Variants in AGBL1 observed in about 807,000 individuals in gnomAD.
The protein encoded by AGBL1 is AGBL carboxypeptidase 1.
A neutral mutation model predicts 118.9 loss-of-function variants in AGBL1; 130 were observed. That is an observed-to-expected ratio of 1.09 (90% CI 0.95 to 1.26). The LOEUF (loss-of-function observed/expected upper bound fraction) is 1.26. Among genes scored for constraint, AGBL1 ranks in the 50% most tolerant of loss-of-function variants. The pLI, the probability that AGBL1 is intolerant of heterozygous loss-of-function variation, is 0.00. For missense variants in AGBL1, 1,584 were observed against 1,298.1 expected, an observed-to-expected ratio of 1.22 and a Z score of -3.38; for synonymous variants, 555 against 478.9, an observed-to-expected ratio of 1.16 and a Z score of -2.08.
intron 22 of AGBL1, among the ~76,000 whole-genome samples, chr15:86,818,770 T>C (rs2078900208): frequency 6.6e-6 from 1 of 152,164 alleles, no homozygotes; most frequent in African/African-American, 2.4e-5. Context: ...GCATAGTAAT[T>C]TTGGAACCAG....
chr15:86,933,475 A>G (rs1025111163), intron 23 of AGBL1, among the ~76,000 whole-genome samples: 13 of 152,130 alleles, frequency 8.5e-5, no homozygotes, highest in South Asian at 6.2e-4. Context: ...GACTTCCCCA[A>G]TTGCTCTCAT....
intron 1 of AGBL1, among the ~76,000 whole-genome samples, chr15:86,134,757 G>A (rs140314372): frequency 0.013 from 1,930 of 151,806 alleles, 25 homozygotes; most frequent in East Asian, 0.061. Flanking sequence ...AGGATTACAG[G>A]CACGTGCCAC....
intron 22 of AGBL1, among the ~76,000 whole-genome samples, chr15:86,759,249 G>A (rs1046745204): frequency 1.3e-5 from 2 of 152,088 alleles, no homozygotes; most frequent in African/African-American, 4.8e-5. Flanking sequence ...AACAGAGAAA[G>A]CATTTAGGGA....
At chr15:86,449,570 G>A (rs1249333018) in intron 18 of AGBL1, among the ~76,000 whole-genome samples, 2 of 152,226 alleles carry the variant, frequency 1.3e-5, no homozygotes, top group African/African-American at 2.4e-5. Flanking sequence ...CTGTAAAAAT[G>A]TGGAGGATTT....
chr15:86,796,892 C>T lies in AGBL1; in HGVS notation c.3159-110195C>T, dbSNP rs190779472. On this transcript the variant is annotated intron_variant, in intron 22 of 22. Coordinates refer to ENST00000614907, the MANE Select transcript of AGBL1 (RefSeq NM_001386094.1). ...AGGGCTTTCTAAGTCTTTCTCACTACAAAGTTTATTTCTCAGAATCAACCA... is the reference window on the plus strand; with the variant it reads ...AGGGCTTTCTAAGTCTTTCTCACTATAAAGTTTATTTCTCAGAATCAACCA... Among the ~76,000 whole-genome samples the T allele has an allele frequency of 4.6e-3, 693 of 152,274 alleles. 2 individuals are homozygous for T. The highest frequency in any genetic ancestry group is 7.7e-3 in the Non-Finnish European group (526 of 68,030).
At chr15:86,310,058 A>G (rs1486932571) in intron 17 of AGBL1, among the ~76,000 whole-genome samples, 1 of 152,118 alleles carries the variant, frequency 6.6e-6, no homozygotes, top group Non-Finnish European at 1.5e-5. Context: ...TCAGATCCTG[A>G]GCTTTTCTTT....
At chr15:86,680,046 C>T (rs939525457) in intron 22 of AGBL1, among the ~76,000 whole-genome samples, 1 of 152,060 alleles carries the variant, frequency 6.6e-6, no homozygotes, top group East Asian at 1.9e-4. Context: ...TACATCTGCA[C>T]CTTGAACATG....
chr15:86,787,810 T>A (rs2078436079), intron 22 of AGBL1, among the ~76,000 whole-genome samples: 1 of 152,214 alleles, frequency 6.6e-6, no homozygotes, highest in Non-Finnish European at 1.5e-5. Flanking sequence ...ACCGAGTTTG[T>A]GGTCACTTAG....
At chr15:86,589,729 TCCTCCTCCTTTCCTC>T (rs2084305827) in intron 21 of AGBL1, among the ~76,000 whole-genome samples, 1 of 152,130 alleles carries the variant, frequency 6.6e-6, no homozygotes, top group South Asian at 2.1e-4. Context: ...TTCCCTTCCT[TCCTCCTCCTTTCCTC>T]CCTCCCTCCC....
intron 22 of AGBL1, among the ~76,000 whole-genome samples, chr15:86,776,617 A>G (rs1445690352): frequency 6.8e-6 from 1 of 146,350 alleles, no homozygotes; most frequent in South Asian, 2.1e-4. Context: ...TTGTCTTTTC[A>G]TTTTTGTGGT....
At chr15:86,822,356 A>G (rs900302558) in intron 22 of AGBL1, among the ~76,000 whole-genome samples, 1 of 152,054 alleles carries the variant, frequency 6.6e-6, no homozygotes, top group African/African-American at 2.4e-5. Context: ...TTCTCTTCCA[A>G]ATAAATTAGT....
At chr15:86,452,524 C>T (rs1397459238) in intron 18 of AGBL1, among the ~76,000 whole-genome samples, 5 of 152,284 alleles carry the variant, frequency 3.3e-5, no homozygotes, top group Non-Finnish European at 5.9e-5. Flanking sequence ...ATCACCTGTC[C>T]TTAGCACATG....
At chr15:86,604,797 C>CT (rs56780270) in intron 21 of AGBL1, among the ~76,000 whole-genome samples, 1,817 of 131,952 alleles carry the variant, frequency 0.014, 28 homozygotes, top group African/African-American at 0.026. Context: ...TCTTTTCTTT[C>CT]TTTTTTTTTT....
At chr15:86,343,352 T>G (rs1204464486) in intron 17 of AGBL1, among the ~76,000 whole-genome samples, 2 of 152,114 alleles carry the variant, frequency 1.3e-5, no homozygotes, top group Non-Finnish European at 2.9e-5. Context: ...TGGGGTCCCC[T>G]GCATCCCATT....
intron 22 of AGBL1, among the ~76,000 whole-genome samples, chr15:86,834,036 C>T (rs1379818322): frequency 6.6e-6 from 1 of 152,042 alleles, no homozygotes; most frequent in Non-Finnish European, 1.5e-5. Context: ...AGCCAGCAAA[C>T]AAGAAAAGAG....
chr15:86,738,925 C>G (rs1274772102), intron 22 of AGBL1, among the ~76,000 whole-genome samples: 1 of 151,572 alleles, frequency 6.6e-6, no homozygotes, highest in African/African-American at 2.4e-5. Flanking sequence ...GATCGTTGAG[C>G]CCAGAAGTTT....
At chr15:86,799,781 A>G (rs970052193) in intron 22 of AGBL1, among the ~76,000 whole-genome samples, 2 of 152,196 alleles carry the variant, frequency 1.3e-5, no homozygotes, top group Non-Finnish European at 2.9e-5. Context: ...AGGGAATTGC[A>G]TATAAAACTA....
intron 23 of AGBL1, among the ~76,000 whole-genome samples, chr15:86,937,102 G>T (rs187692403): frequency 6.7e-4 from 102 of 152,266 alleles, no homozygotes; most frequent in Non-Finnish European, 1.3e-3. Flanking sequence ...ACCACAATGA[G>T]ATATCATCTC....
intron 22 of AGBL1, among the ~76,000 whole-genome samples, chr15:86,721,149 T>C (rs2086713468): frequency 6.6e-6 from 1 of 152,152 alleles, no homozygotes; most frequent in African/African-American, 2.4e-5. Flanking sequence ...ACTCATTTAA[T>C]GAGGCCAGCA....
Sources: allele counts gnomAD v4.1 joint callset (sites outside exome capture counted in the v4.1 genomes callset), GRCh38; gene constraint gnomAD v4.1.1; transcripts MANE v1.5; gene names NCBI Gene and HGNC (gene_info 2026-07-23, HGNC 2026-07-21).